Variants in CACNA1C observed in about 807,000 individuals in gnomAD.
CACNA1C encodes the protein voltage-dependent L-type calcium channel subunit alpha-1C.
In CACNA1C, 30 loss-of-function variants were observed where a neutral mutation model predicts 229.0. That is an observed-to-expected ratio of 0.13 (90% CI 0.10 to 0.18). The LOEUF (loss-of-function observed/expected upper bound fraction) is 0.18, where lower values mean the gene tolerates loss of function less well. CACNA1C is among the 10% of genes least tolerant of loss of function. The pLI, the probability that CACNA1C is intolerant of heterozygous loss-of-function variation, is 1.00. For missense variants in CACNA1C, 1,658 were observed against 2,845.0 expected (o/e 0.58, Z 9.49); for synonymous variants, 1,114 against 1,132.5 (o/e 0.98, Z 0.33).
intron 3 of CACNA1C, among the ~76,000 whole-genome samples, chr12:2,270,477 T>C (rs1463700430): frequency 6.6e-6 from 1 of 152,234 alleles, no homozygotes; most frequent in Non-Finnish European, 1.5e-5. Flanking sequence ...TTGAGGCTTT[T>C]GAATTGGTCA....
chr12:2,115,621 C>T, intron 2 of CACNA1C, 76 bp downstream of exon 2: 1 of 1,427,112 alleles, frequency 7.0e-7, no homozygotes, highest in Non-Finnish European at 9.8e-7. Context: ...CTCCCTGGGC[C>T]ACGAGCTGTG....
intron 1 of CACNA1C, among the ~76,000 whole-genome samples, chr12:1,976,237 T>C (rs1025502264): frequency 6.6e-6 from 1 of 152,204 alleles, no homozygotes; most frequent in East Asian, 1.9e-4. Flanking sequence ...CCCTTTATCA[T>C]ATATTAACAT....
At chr12:2,271,671 A>G (rs992009657) in intron 3 of CACNA1C, among the ~76,000 whole-genome samples, 1 of 152,140 alleles carries the variant, frequency 6.6e-6, no homozygotes, top group Non-Finnish European at 1.5e-5. Context: ...AGGCCGAGGC[A>G]GGAGAATTGC....
intron 9 of CACNA1C, among the ~76,000 whole-genome samples, chr12:2,543,748 C>T (rs1229390319): frequency 1.3e-5 from 2 of 152,230 alleles, no homozygotes; most frequent in African/African-American, 2.4e-5. Flanking sequence ...ATTTTCCATG[C>T]AGGTGACTGC....
intron 29 of CACNA1C, among the ~76,000 whole-genome samples, chr12:2,623,669 T>C (rs532841594): frequency 6.6e-6 from 1 of 152,224 alleles, no homozygotes; most frequent in African/African-American, 2.4e-5. Flanking sequence ...CACACTGACC[T>C]CCTTCCAAAT....
At chr12:2,222,239 G>A (rs2154351636) in intron 3 of CACNA1C, 1 of 152,316 alleles carries the variant, frequency 6.6e-6, no homozygotes, top group East Asian at 1.9e-4. Flanking sequence ...AAATCAGTGG[G>A]CTGGTGGCCC....
At chr12:2,466,020 A>T (rs1292071424) in intron 5 of CACNA1C, among the ~76,000 whole-genome samples, 3 of 152,146 alleles carry the variant, frequency 2.0e-5, no homozygotes, top group African/African-American at 7.2e-5. Flanking sequence ...AACTCACCTG[A>T]GTGCCAAGTC....
intron 1 of CACNA1C, among the ~76,000 whole-genome samples, chr12:1,989,566 C>T (rs900626855): frequency 1.3e-5 from 2 of 152,044 alleles, no homozygotes; most frequent in Non-Finnish European, 2.9e-5. Flanking sequence ...ACACAAAAAT[C>T]AGCCAGGCAT....
At chr12:2,502,220 G>T (rs1158084730) in intron 7 of CACNA1C, among the ~76,000 whole-genome samples, 1 of 152,178 alleles carries the variant, frequency 6.6e-6, no homozygotes, top group South Asian at 2.1e-4. Context: ...CAAGGATTTC[G>T]TGTTTACAGC....
At chr12:1,993,495 A>T (rs1380187199) in intron 1 of CACNA1C, 1 of 1,432,046 alleles carries the variant, frequency 7.0e-7, no homozygotes, top group Non-Finnish European at 9.4e-7. Flanking sequence ...CTTTGTTTGT[A>T]TATGCAGCTT....
At chr12:2,299,611 G>A (rs898477162) in intron 3 of CACNA1C, among the ~76,000 whole-genome samples, 9 of 152,094 alleles carry the variant, frequency 5.9e-5, no homozygotes, top group Non-Finnish European at 5.9e-5. Flanking sequence ...CACATTGGCC[G>A]GAACAGAACC....
chr12:2,697,769 G>A lies in CACNA1C; in HGVS notation c.*6570G>A, dbSNP rs1233978756. ...TCGCCTGATGGGCCTTCTCACCCTC[G>A]AGAAAGGCCAGGGAATCTAGAAGGG... On this transcript the variant is annotated 3_prime_UTR_variant, in exon 47 of 47. Transcript: ENST00000399655. 2 of 152,456 alleles carry A rather than the reference G, an allele frequency of 1.3e-5. No individual in the cohort carries two copies. Among genetic ancestry groups the A allele is most frequent in the Non-Finnish European group, 2.9e-5 (2 of 68,038 alleles). 9.4% of individuals were successfully genotyped at this position (152,456 alleles called of 1,614,324 possible).
chr12:2,188,490 CA>C, intron 3 of CACNA1C, among the ~76,000 whole-genome samples: 1 of 152,118 alleles, frequency 6.6e-6, no homozygotes, highest in African/African-American at 2.4e-5. Flanking sequence ...CTGATTTTCA[CA>C]TTTTTTTTCA....
intron 9 of CACNA1C, among the ~76,000 whole-genome samples, chr12:2,535,056 G>A (rs376429800): frequency 7.9e-5 from 12 of 152,312 alleles, no homozygotes; most frequent in African/African-American, 2.9e-4. Flanking sequence ...GCCTAGAAAT[G>A]CATGAAGCCG....
intron 3 of CACNA1C, among the ~76,000 whole-genome samples, chr12:2,395,871 T>C (rs755406964): frequency 2.0e-5 from 3 of 152,168 alleles, no homozygotes; most frequent in Non-Finnish European, 2.9e-5. Flanking sequence ...GGTTGAGAAA[T>C]TAGAAGGTGC....
chr12:2,203,356 C>T (rs1245083674), intron 3 of CACNA1C, among the ~76,000 whole-genome samples: 2 of 152,222 alleles, frequency 1.3e-5, no homozygotes, highest in East Asian at 1.9e-4. Flanking sequence ...AGGGACTGTT[C>T]GTTGTTAGGG....
At chr12:2,465,500 A>G (rs1044099816) in intron 5 of CACNA1C, among the ~76,000 whole-genome samples, 5 of 152,144 alleles carry the variant, frequency 3.3e-5, no homozygotes, top group East Asian at 1.9e-4. Context: ...TAGGTCACCA[A>G]TGTGGGCCAG....
At chr12:2,290,286 A>T (rs961237334) in intron 3 of CACNA1C, among the ~76,000 whole-genome samples, 2 of 152,260 alleles carry the variant, frequency 1.3e-5, no homozygotes, top group African/African-American at 2.4e-5. Flanking sequence ...GCAGGGTATG[A>T]TAAAGGGCAT....
intron 5 of CACNA1C, among the ~76,000 whole-genome samples, chr12:2,484,922 T>TTA (rs1555656131): frequency 2.0e-5 from 3 of 151,272 alleles, no homozygotes; most frequent in Admixed American, 6.6e-5. Flanking sequence ...TTTTTTTTTT[T>TTA]ATCTTCCCAG....
Sources: allele counts gnomAD v4.1 joint callset (sites outside exome capture counted in the v4.1 genomes callset), GRCh38; gene constraint gnomAD v4.1.1; transcripts MANE v1.5; gene names NCBI Gene and HGNC (gene_info 2026-07-23, HGNC 2026-07-21).